The following VPS13B variants were observed in gnomAD, a reference collection of about 807,000 sequenced individuals.
The protein encoded by VPS13B is intermembrane lipid transfer protein VPS13B.
In VPS13B, 285 loss-of-function variants were observed where a neutral mutation model predicts 426.4. The ratio of observed to expected loss-of-function variants is 0.67; its 90% confidence interval spans 0.61 to 0.74. VPS13B has a LOEUF of 0.74. Ranked by LOEUF, VPS13B falls within the 30% of genes least tolerant of loss-of-function variation. The pLI is 0.00. For synonymous variants in VPS13B, 1,676 were observed against 1,676.4 expected, an observed-to-expected ratio of 1.00 and a Z score of 0.01; for missense variants, 4,537 against 4,782.6, an observed-to-expected ratio of 0.95 and a Z score of 1.51.
chr8:99,424,643 A>G (rs1165903677), intron 21 of VPS13B: 1 of 152,220 alleles, frequency 6.6e-6, no homozygotes, highest in Non-Finnish European at 1.5e-5. Flanking sequence ...CATCACAATT[A>G]AAAGAACTAG....
intron 19 of VPS13B, among the ~76,000 whole-genome samples, chr8:99,339,408 G>T (rs928426006): frequency 2.0e-5 from 3 of 151,838 alleles, no homozygotes; most frequent in African/African-American, 7.3e-5. Context: ...AATGGAGGGG[G>T]AGTGCTACAC....
In VPS13B at chr8:99,065,173, A is replaced by G. The variant is rs534756327; in HGVS notation, c.291+26607A>G. Among the ~76,000 whole-genome samples, 6 of 152,212 alleles carry G rather than the reference A, an allele frequency of 3.9e-5. No individual in the cohort carries two copies. The South Asian group carries it at 1.2e-3, about 32-fold the overall frequency. On this transcript the variant is annotated intron_variant, in intron 3 of 61. Coordinates refer to ENST00000357162, the MANE Select transcript of VPS13B (RefSeq NM_152564.5). The stretch of plus-strand genomic sequence containing the variant: ...AAAAACATGCCAAATTGTAAAGACC[A>G]TGAATGCTAGGAAGAAACTGTATCA...
rs759133784 is a variant in VPS13B, at chr8:99,641,835, G to C, written c.5245G>C (p.Val1749Leu). ...AEISKQEQKK[V>L]DIFDGGMAET... The stretch of plus-strand genomic sequence containing the variant: ...GATCTCTAAACAAGAACAGAAAAAA[G>C]TGGATATATTTGATGGAGGCATGGC... Residue 1749 changes from valine (V) to leucine (L), a missense_variant, in exon 34 of 62, where the codon GTG (valine) becomes CTG (leucine). By Grantham distance (32) the Val-to-Leu change is conservative (BLOSUM62 1). Around this residue, in one of 2 missense-constraint regions of VPS13B, gnomAD observed 4,311 missense variants for 4,474.3 expected, o/e 0.96. Transcript: ENST00000357162. The C allele has an allele frequency of 6.2e-7, 1 of 1,611,634 alleles. No homozygotes were observed. The highest frequency in any genetic ancestry group is 8.5e-7 in the Non-Finnish European group (1 of 1,178,442).
At chr8:99,828,993 T>C (rs1346751900) in intron 51 of VPS13B, among the ~76,000 whole-genome samples, 2 of 152,212 alleles carry the variant, frequency 1.3e-5, no homozygotes, top group Middle Eastern at 3.2e-3. Flanking sequence ...TGGGCTTCCC[T>C]TGTGGGTAAC....
chr8:99,028,167 C>G (rs1490360305), intron 2 of VPS13B, among the ~76,000 whole-genome samples: 1 of 152,190 alleles, frequency 6.6e-6, no homozygotes, highest in South Asian at 2.1e-4. Flanking sequence ...CCACCCTTCC[C>G]GCCTTTCTAT....
At chr8:99,639,404 C>A (rs1829210078) in intron 33 of VPS13B, among the ~76,000 whole-genome samples, 1 of 151,922 alleles carries the variant, frequency 6.6e-6, no homozygotes, top group Admixed American at 6.6e-5. Context: ...GAGGGGCACT[C>A]CAAGAAAGGA....
intron 33 of VPS13B, among the ~76,000 whole-genome samples, chr8:99,625,427 T>TA (rs1239711769): frequency 1.3e-5 from 2 of 152,048 alleles, no homozygotes; most frequent in Non-Finnish European, 2.9e-5. Flanking sequence ...GGAGAAAATT[T>TA]AAAAAAATTT....
intron 19 of VPS13B, among the ~76,000 whole-genome samples, chr8:99,314,372 G>C (rs1821190555): frequency 6.6e-6 from 1 of 152,054 alleles, no homozygotes; most frequent in Admixed American, 6.6e-5. Flanking sequence ...TCCATGTGCT[G>C]ATGAGAAGAA....
At chr8:99,634,014 G>A (rs891271782) in intron 33 of VPS13B, among the ~76,000 whole-genome samples, 1 of 151,894 alleles carries the variant, frequency 6.6e-6, no homozygotes, top group African/African-American at 2.4e-5. Flanking sequence ...CTGTTTTTGA[G>A]TTAAACTATA....
At chr8:99,290,518 G>A (rs1204128759) in intron 19 of VPS13B, among the ~76,000 whole-genome samples, 1 of 151,982 alleles carries the variant, frequency 6.6e-6, no homozygotes, top group Non-Finnish European at 1.5e-5. Context: ...GGTGCGGGGA[G>A]AGGGAAGGGA....
chr8:99,433,329 AT>A (rs1335227061), intron 22 of VPS13B, among the ~76,000 whole-genome samples: 10 of 152,184 alleles, frequency 6.6e-5, no homozygotes, highest in Non-Finnish European at 1.5e-4. Context: ...CAGCACACCC[AT>A]TTTGGTTACT....
At chr8:99,812,476 T>C (rs1476143654) in intron 44 of VPS13B, among the ~76,000 whole-genome samples, 1 of 152,182 alleles carries the variant, frequency 6.6e-6, no homozygotes, top group Non-Finnish European at 1.5e-5. Flanking sequence ...GGTGAGTATA[T>C]GCAGATCCCT....
chr8:99,444,044 TA>T (rs1817799597), intron 23 of VPS13B, among the ~76,000 whole-genome samples: 1 of 151,868 alleles, frequency 6.6e-6, no homozygotes, highest in South Asian at 2.1e-4. Context: ...TCCTAGACAA[TA>T]ACCTCTTAAA....
At chr8:99,191,376 CTTTTTTT>C (rs35215814) in intron 16 of VPS13B, among the ~76,000 whole-genome samples, 39 of 70,952 alleles carry the variant, frequency 5.5e-4, no homozygotes, top group East Asian at 3.0e-3. Flanking sequence ...CTCTCTCTCT[CTTTTTTT>C]TTTTTTTTTT....
intron 2 of VPS13B, among the ~76,000 whole-genome samples, chr8:99,018,650 C>A (rs1841734753): frequency 6.6e-6 from 1 of 152,130 alleles, no homozygotes; most frequent in African/African-American, 2.4e-5. Context: ...GAGTAGAGGT[C>A]ATGAGAATAG....
intron 27 of VPS13B, among the ~76,000 whole-genome samples, chr8:99,503,724 T>C (rs1337531427): frequency 6.6e-6 from 1 of 152,186 alleles, no homozygotes; most frequent in Non-Finnish European, 1.5e-5. Context: ...GCCCCATCTT[T>C]AGGCTCCACT....
At chr8:99,427,544 A>AAAGAG (rs1816795011) in intron 21 of VPS13B, among the ~76,000 whole-genome samples, 1 of 152,082 alleles carries the variant, frequency 6.6e-6, no homozygotes, top group African/African-American at 2.4e-5. Flanking sequence ...CAATTGCTTC[A>AAAGAG]AAGAGAATAA....
chr8:99,639,659 T>G (rs1457853925), intron 33 of VPS13B, among the ~76,000 whole-genome samples: 2 of 148,212 alleles, frequency 1.3e-5, no homozygotes, highest in Admixed American at 1.4e-4. Flanking sequence ...TATATATATA[T>G]TATTATATAT....
chr8:99,699,900 G>C lies in VPS13B; in HGVS notation c.6422G>C (p.Ser2141Thr). The C allele has an allele frequency of 1.2e-6, 2 of 1,614,022 alleles. No homozygotes were observed. The highest frequency in any genetic ancestry group is 1.7e-6 in the Non-Finnish European group (2 of 1,180,002). Residue 2141 changes from serine (S) to threonine (T), a missense_variant, in exon 36 of 62, where the codon AGC becomes ACC. Ser to Thr is a moderately conservative substitution (Grantham distance 58). Coordinates refer to ENST00000357162, the MANE Select transcript of VPS13B (RefSeq NM_152564.5). ...LLASLSNLNG[S>T]LSVKATQKVP... Reference sequence around the variant, plus strand: ...GCATCTCTCTCAAACCTCAATGGAAGCCTTAGTGTCAAGGCAACACAAAAA... The same window carrying C: ...GCATCTCTCTCAAACCTCAATGGAACCCTTAGTGTCAAGGCAACACAAAAA...
Sources: allele counts gnomAD v4.1 joint callset (sites outside exome capture counted in the v4.1 genomes callset), GRCh38; gene constraint gnomAD v4.1.1; regional missense constraint gnomAD v4.1.1; transcripts MANE v1.5; gene names NCBI Gene and HGNC (gene_info 2026-07-23, HGNC 2026-07-21).